The following NMNAT3 variants were observed in gnomAD, a reference collection of about 807,000 sequenced individuals.
The protein encoded by NMNAT3 is nicotinamide/nicotinic acid mononucleotide adenylyltransferase 3.
A neutral mutation model predicts 24.8 loss-of-function variants in NMNAT3; 21 were observed. That is an observed-to-expected ratio of 0.85 (90% CI 0.60 to 1.22). The LOEUF (loss-of-function observed/expected upper bound fraction) is 1.22. NMNAT3 is among the 50% of genes most tolerant of loss of function. NMNAT3 has a pLI of 0.00. For synonymous variants in NMNAT3, 136 were observed against 155.2 expected, an observed-to-expected ratio of 0.88 and a Z score of 0.92; for missense variants, 387 against 436.6, an observed-to-expected ratio of 0.89 and a Z score of 1.01.
At chr3:139,639,556 A>G (rs1401403832) in intron 1 of NMNAT3, among the ~76,000 whole-genome samples, 1 of 152,166 alleles carries the variant, frequency 6.6e-6, no homozygotes, top group Non-Finnish European at 1.5e-5. Context: ...GGGTTCCTGA[A>G]GCCCAGGGAT....
At chr3:139,665,919 A>G (rs2057566364) in intron 1 of NMNAT3, among the ~76,000 whole-genome samples, 1 of 152,214 alleles carries the variant, frequency 6.6e-6, no homozygotes, top group South Asian at 2.1e-4. Flanking sequence ...GTGATTGTCT[A>G]TGGGGAGGCA....
chr3:139,665,725 GGAGAGAGAGAGA>G (rs10547665), intron 1 of NMNAT3, among the ~76,000 whole-genome samples: 31 of 139,656 alleles, frequency 2.2e-4, no homozygotes, highest in South Asian at 1.2e-3. Flanking sequence ...ATTTGTAACA[GGAGAGAGAGAGA>G]GAGAGAGAGA....
chr3:139,598,856 A>G (rs2054590868), intron 3 of NMNAT3, among the ~76,000 whole-genome samples: 1 of 151,890 alleles, frequency 6.6e-6, no homozygotes, highest in Admixed American at 6.6e-5. Flanking sequence ...TTTTTTTTCT[A>G]CTGCACTGTA....
intron 2 of NMNAT3, chr3:139,637,516 A>C (rs2056545344): frequency 6.6e-6 from 1 of 152,314 alleles, no homozygotes; most frequent in Middle Eastern, 3.4e-3. Context: ...TTACTATATG[A>C]TTTAATTGGT....
intron 1 of NMNAT3, among the ~76,000 whole-genome samples, chr3:139,675,215 G>T (rs1244735903): frequency 3.3e-5 from 5 of 150,300 alleles, no homozygotes; most frequent in Non-Finnish European, 7.4e-5. Flanking sequence ...TCATTTATTT[G>T]TTCATTACTG....
chr3:139,632,962 C>T (rs73869367), intron 2 of NMNAT3, among the ~76,000 whole-genome samples: 9,193 of 152,056 alleles, frequency 0.06, 470 homozygotes, highest in East Asian at 0.21. Context: ...AGGGCAGCAA[C>T]GGGGCTAAAC....
intron 3 of NMNAT3, among the ~76,000 whole-genome samples, chr3:139,613,285 C>T (rs563592900): frequency 6.6e-6 from 1 of 152,236 alleles, no homozygotes; most frequent in Admixed American, 6.5e-5. Context: ...AACAAATTTA[C>T]AAGAAAAAAT....
chr3:139,667,907 G>A (rs1021525652), intron 1 of NMNAT3, among the ~76,000 whole-genome samples: 5 of 152,200 alleles, frequency 3.3e-5, no homozygotes, highest in African/African-American at 1.2e-4. Context: ...TGACTCTAGA[G>A]GCCTATAGGA....
intron 5 of NMNAT3, among the ~76,000 whole-genome samples, chr3:139,574,763 C>T (rs1939042334): frequency 6.6e-6 from 1 of 152,150 alleles, no homozygotes; most frequent in Non-Finnish European, 1.5e-5. Flanking sequence ...AAAGTTAATG[C>T]TGGGCTTATC....
chr3:139,633,262 C>G (rs1339328340), intron 2 of NMNAT3, among the ~76,000 whole-genome samples: 2 of 151,846 alleles, frequency 1.3e-5, no homozygotes, highest in African/African-American at 4.8e-5. Context: ...CTCACCGCAG[C>G]CTCTGCCTCC....
At chr3:139,562,611 A>T (rs1366421417) in intron 6 of NMNAT3, among the ~76,000 whole-genome samples, 1 of 152,224 alleles carries the variant, frequency 6.6e-6, no homozygotes, top group Non-Finnish European at 1.5e-5. Context: ...TGGAACCTTT[A>T]AAGGAATCCA....
chr3:139,660,858 A>C (rs1026439917), intron 1 of NMNAT3, among the ~76,000 whole-genome samples: 1 of 152,194 alleles, frequency 6.6e-6, no homozygotes, highest in Non-Finnish European at 1.5e-5. Context: ...ATCTGTTCCA[A>C]TGCTAAGTTT....
At chr3:139,671,987 C>T (rs999203645) in intron 1 of NMNAT3, among the ~76,000 whole-genome samples, 2 of 152,208 alleles carry the variant, frequency 1.3e-5, no homozygotes, top group African/African-American at 4.8e-5. Flanking sequence ...GTTTGCATCA[C>T]ATGTTTTCAT....
intron 3 of NMNAT3, among the ~76,000 whole-genome samples, chr3:139,620,248 G>T (rs1411759296): frequency 3.4e-5 from 5 of 146,518 alleles, no homozygotes; most frequent in Non-Finnish European, 6.0e-5. Context: ...AGGTATAACT[G>T]ACACACAATA....
chr3:139,674,080 T>C (rs6798004), intron 1 of NMNAT3, among the ~76,000 whole-genome samples: 108,737 of 151,872 alleles, frequency 0.72, 39,566 homozygotes, highest in East Asian at 0.82. Flanking sequence ...AAGACCAGGA[T>C]TTCACTGGGC....
intron 3 of NMNAT3, among the ~76,000 whole-genome samples, chr3:139,604,485 T>C (rs2054852335): frequency 6.6e-6 from 1 of 152,202 alleles, no homozygotes; most frequent in Admixed American, 6.5e-5. Context: ...TTACATATAC[T>C]CTCTTTAATC....
chr3:139,672,804 G>C (rs2057801729), intron 1 of NMNAT3: 1 of 152,168 alleles, frequency 6.6e-6, no homozygotes, highest in Admixed American at 6.5e-5. Context: ...GTTTCCTGAG[G>C]CTGTTTGGAT....
chr3:139,580,803 G>A (rs1940069417), intron 4 of NMNAT3, among the ~76,000 whole-genome samples: 1 of 148,480 alleles, frequency 6.7e-6, no homozygotes. Context: ...CATAAAGTTA[G>A]TTGTGATATT....
chr3:139,624,494 C>T (rs1357347359), intron 3 of NMNAT3, among the ~76,000 whole-genome samples: 4 of 151,708 alleles, frequency 2.6e-5, no homozygotes, highest in Non-Finnish European at 4.4e-5. Flanking sequence ...ACTCCCCAGG[C>T]TGGAGTGCAG....
Sources: allele counts gnomAD v4.1 joint callset (sites outside exome capture counted in the v4.1 genomes callset), GRCh38; gene constraint gnomAD v4.1.1; transcripts MANE v1.5; gene names NCBI Gene and HGNC (gene_info 2026-07-23, HGNC 2026-07-21).